MASP1: variants seen among roughly 807,000 people sequenced by gnomAD.
The protein encoded by MASP1 is mannan-binding lectin serine protease 1.
In MASP1, 59 loss-of-function variants were observed where a neutral mutation model predicts 77.1. That is an observed-to-expected ratio of 0.77 (90% CI 0.62 to 0.95). MASP1 has a LOEUF of 0.95. Among genes scored for constraint, MASP1 ranks in the 40% least tolerant of loss-of-function variants. The probability of loss-of-function intolerance (pLI) is 0.00; values close to 1 mark genes in which losing one functional copy is unlikely to be tolerated. For missense variants in MASP1, 885 were observed against 912.9 expected (o/e 0.97, Z 0.39); for synonymous variants, 362 against 354.5 (o/e 1.02, Z -0.24).
intron 2 of MASP1, among the ~76,000 whole-genome samples, chr3:187,265,783 A>T (rs1400808137): frequency 3.3e-5 from 5 of 152,218 alleles, no homozygotes; most frequent in Non-Finnish European, 5.9e-5. Context: ...CAACCCAGAG[A>T]GTACATGACT....
At chr3:187,230,198 G>A (rs1422520903), downstream of MASP1, among the ~76,000 whole-genome samples, 1 of 152,220 alleles carries the variant, frequency 6.6e-6, no homozygotes, top group Non-Finnish European at 1.5e-5. Context: ...TGTGACCTTG[G>A]CTGGACCAAT....
In MASP1 at chr3:187,236,093, C is replaced by T. The variant is rs1713145637; in HGVS notation, c.1778G>A (p.Trp593Ter). The T allele has an allele frequency of 1.2e-6, 2 of 1,613,888 alleles. No homozygotes were observed. The highest frequency in any genetic ancestry group is 1.7e-6 in the Non-Finnish European group (2 of 1,180,056). ...TGTCACATTGGGATTGGAGATGCCC[C>T]AGCCGGCCACCAGGCCCAGCATGTG... The part of the protein sequence containing the change: ...APHMLGLVAG[W>*]GISNPNVTVD... Residue 593 changes from tryptophan to a stop codon, truncating the protein, a stop_gained, in exon 11 of 11, where the codon TGG becomes TAG. Transcript: ENST00000296280. LOFTEE classifies it high-confidence loss of function.
chr3:187,256,425 AGATTCACGACTCT>A (rs1715080362), intron 5 of MASP1, among the ~76,000 whole-genome samples: 1 of 152,230 alleles, frequency 6.6e-6, no homozygotes, highest in Admixed American at 6.5e-5. Flanking sequence ...TCTAAAATGC[AGATTCACGACTCT>A]CCTCCTCAAG....
At position 187,252,458 on chromosome 3, in the gene MASP1, C is replaced by G. The variant is rs115185409; in HGVS notation, c.893-706G>C. 8.2e-3 allele frequency among the ~76,000 whole-genome samples: 1,243 copies of G among 152,266 alleles called. 14 individuals are homozygous for G. Among genetic ancestry groups the G allele is most frequent in the African/African-American group, 0.029 (1,187 of 41,548 alleles). On this transcript the variant is annotated intron_variant, in intron 6 of 10. Coordinates refer to ENST00000296280, the MANE Select transcript of MASP1 (RefSeq NM_139125.4). Reference sequence around the variant, plus strand: ...ATCTGACAGGCTCTTCAGGCCTGGGCCTATCCCTGACACTTTTTCTGAGAC... The same window carrying G: ...ATCTGACAGGCTCTTCAGGCCTGGGGCTATCCCTGACACTTTTTCTGAGAC...
downstream of MASP1, chr3:187,229,889 G>A: frequency 1.2e-6 from 2 of 1,614,148 alleles, no homozygotes; most frequent in South Asian, 1.1e-5. Flanking sequence ...AACTTGGGGA[G>A]CCCACACACT....
downstream of MASP1, among the ~76,000 whole-genome samples, chr3:187,233,475 C>T (rs1013589025): frequency 1.3e-5 from 2 of 152,162 alleles, no homozygotes; most frequent in African/African-American, 2.4e-5. Context: ...TATGATATAG[C>T]CCCTTCTTTA....
chr3:187,228,898 G>A (rs1024622079), intron 11 of MASP1, among the ~76,000 whole-genome samples: 2 of 152,210 alleles, frequency 1.3e-5, no homozygotes, highest in East Asian at 3.9e-4. Flanking sequence ...CAGACCTGAT[G>A]CCTTGCCAAA....
intron 2 of MASP1, among the ~76,000 whole-genome samples, chr3:187,285,076 T>C (rs560810019): frequency 1.3e-5 from 2 of 152,282 alleles, no homozygotes; most frequent in African/African-American, 4.8e-5. Context: ...TAGATATAAC[T>C]GCAATAAACT....
At chr3:187,254,961 G>T (rs186272997) in intron 5 of MASP1, among the ~76,000 whole-genome samples, 42 of 152,278 alleles carry the variant, frequency 2.8e-4, no homozygotes, top group African/African-American at 1.0e-3. Flanking sequence ...GTGTGCTTGG[G>T]TGAGGCTCCC....
chr3:187,266,262 G>C (rs116942420), intron 2 of MASP1, among the ~76,000 whole-genome samples: 1 of 152,164 alleles, frequency 6.6e-6, no homozygotes, highest in South Asian at 2.1e-4. Context: ...AAATATGTGT[G>C]TACTAAGTTC....
chr3:187,220,261 C>T (rs768453493), exon 16 of MASP1: 1 of 1,613,788 alleles, frequency 6.2e-7, no homozygotes, highest in African/African-American at 1.3e-5. Flanking sequence ...GTCCTTTCCC[C>T]CTAGGTGAAA....
intron 11 of MASP1, among the ~76,000 whole-genome samples, chr3:187,228,307 A>G (rs535354409): frequency 1.3e-5 from 2 of 151,686 alleles, no homozygotes; most frequent in South Asian, 2.1e-4. Flanking sequence ...AAAAAAATCA[A>G]GGTTTAAGAA....
chr3:187,288,093 T>C lies in MASP1; in HGVS notation c.6-2037A>G, dbSNP rs1336450687. Among the ~76,000 whole-genome samples the C allele has an allele frequency of 2.0e-5, 3 of 152,244 alleles. No homozygotes were observed. In the East Asian group the frequency reaches 5.8e-4, roughly 29 times the overall value. On this transcript the variant is annotated intron_variant, in intron 1 of 10. Transcript: ENST00000296280. ...TCAAGAAGGACCATGTACTATTTTT[T>C]CAATAAAAAGAAAATACATTTATTT...
intron 2 of MASP1, among the ~76,000 whole-genome samples, chr3:187,268,821 C>G (rs1220485459): frequency 6.6e-6 from 1 of 152,092 alleles, no homozygotes; most frequent in African/African-American, 2.4e-5. Flanking sequence ...AATCCCAGTA[C>G]TTTGGGAGGC....
intron 13 of MASP1, chr3:187,223,274 C>A (rs188281878): frequency 3.5e-6 from 4 of 1,127,338 alleles, no homozygotes; most frequent in Non-Finnish European, 5.4e-6. Context: ...GCTCCATCAT[C>A]CTCTTCTGTG....
chr3:187,234,776 G>T lies in MASP1; in HGVS notation c.*908C>A. The stretch of plus-strand genomic sequence containing the variant: ...CAGTGTGGGTCTTTTCTTTTTCCAG[G>T]TAATCGACTAAGTCCCCATATTCGG... On this transcript the variant is annotated 3_prime_UTR_variant, in exon 11 of 11. Coordinates refer to ENST00000296280, the MANE Select transcript of MASP1 (RefSeq NM_139125.4). 1.3e-5 allele frequency: 17 copies of T among 1,287,244 alleles called. No homozygotes were observed. The highest frequency in any genetic ancestry group is 1.7e-5 in the Non-Finnish European group (17 of 988,712). The allele number at this position is 1,287,244 out of a possible 1,614,324, so 79.7% of individuals were successfully genotyped here. A position where few individuals can be genotyped will look rare whatever the true frequency, so the allele number is the denominator to read the frequency against.
At chr3:187,247,299 T>A in intron 8 of MASP1, 1 of 1,614,050 alleles carries the variant, frequency 6.2e-7, no homozygotes, top group African/African-American at 1.3e-5. Context: ...AGTGATCCAT[T>A]TCTGGATGTC....
At chr3:187,278,930 C>T (rs148120586) in intron 2 of MASP1, among the ~76,000 whole-genome samples, 22 of 152,268 alleles carry the variant, frequency 1.4e-4, no homozygotes, top group Non-Finnish European at 2.9e-4. Flanking sequence ...CCAGATTAAC[C>T]TTCCTCAAGC....
At chr3:187,267,829 A>G (rs925472487) in intron 2 of MASP1, among the ~76,000 whole-genome samples, 4 of 152,186 alleles carry the variant, frequency 2.6e-5, no homozygotes, top group African/African-American at 9.7e-5. Flanking sequence ...CCAGGGCTTT[A>G]AGAGAACTGC....
Sources: gnomAD v4.1 joint callset for allele counts (sites outside exome capture counted in the v4.1 genomes callset) on GRCh38, gnomAD v4.1.1 for gene constraint, MANE v1.5 for transcripts, NCBI Gene and HGNC (gene_info 2026-07-23, HGNC 2026-07-21) for gene names.